The following VMP1 variants were observed in gnomAD, a reference collection of about 807,000 sequenced individuals.
The protein encoded by VMP1 is vacuole membrane protein 1.
VMP1 carries 11 observed loss-of-function variants against 56.0 expected under a neutral mutation model. The ratio of observed to expected loss-of-function variants is 0.20; its 90% CI spans 0.12 to 0.32. The LOEUF is 0.32. Among genes scored for constraint, VMP1 ranks in the 10% least tolerant of loss-of-function variants. The pLI is 1.00. For missense variants in VMP1, 296 were observed against 490.3 expected (o/e 0.60, Z 3.74); for synonymous variants, 149 against 165.0 (o/e 0.90, Z 0.74).
intron 7 of VMP1, among the ~76,000 whole-genome samples, chr17:59,784,419 A>ACCC (rs1022174756): frequency 6.6e-6 from 1 of 151,404 alleles, no homozygotes; most frequent in Non-Finnish European, 1.5e-5. Flanking sequence ...TCCTACCCCT[A>ACCC]CCTCACCCCC....
chr17:59,801,101 T>TAA (rs2037634143), intron 7 of VMP1, among the ~76,000 whole-genome samples: 1 of 130,030 alleles, frequency 7.7e-6, no homozygotes, highest in African/African-American at 3.5e-5. Context: ...AATATATATA[T>TAA]ATATATATAT....
At chr17:59,821,978 G>A (rs183821718) in intron 10 of VMP1, among the ~76,000 whole-genome samples, 1 of 152,164 alleles carries the variant, frequency 6.6e-6, no homozygotes, top group East Asian at 1.9e-4. Flanking sequence ...AAGTAACTGG[G>A]ATTACAGGCG....
rs557898393 is a variant in VMP1, at chr17:59,835,978, GA to G, written c.975-2314del. ...TGCATTCCCACCTGTAATATATAAG[GA>G]AAGATTACTAGTCTGCCTCCCTAAT... On this transcript the variant is annotated intron_variant, in intron 10 of 11. Coordinates refer to ENST00000262291, the MANE Select transcript of VMP1 (RefSeq NM_030938.5). Among the ~76,000 whole-genome samples the G allele has an allele frequency of 2.6e-3, 388 of 150,298 alleles. 1 individual carries two copies. Among genetic ancestry groups the G allele is most frequent in the African/African-American group, 8.4e-3 (345 of 41,244 alleles).
At chr17:59,773,558 G>A (rs1412951105) in intron 6 of VMP1, among the ~76,000 whole-genome samples, 196 bp from the exon 7 acceptor site, 1 of 152,032 alleles carries the variant, frequency 6.6e-6, no homozygotes, top group Non-Finnish European at 1.5e-5. Context: ...TTTATGTGAT[G>A]CTTGCCAAGC....
At chr17:59,828,595 C>T (rs969526823) in intron 10 of VMP1, among the ~76,000 whole-genome samples, 1 of 152,156 alleles carries the variant, frequency 6.6e-6, no homozygotes, top group East Asian at 1.9e-4. Context: ...CAAATCACAA[C>T]GAATTTTAGA....
chr17:59,823,990 G>C (rs148069317), intron 10 of VMP1, among the ~76,000 whole-genome samples: 2 of 152,090 alleles, frequency 1.3e-5, no homozygotes, highest in East Asian at 3.9e-4. Context: ...CGGGCCGGGC[G>C]CAGAGGCTCA....
At chr17:59,802,297 A>G (rs912914730) in intron 7 of VMP1, among the ~76,000 whole-genome samples, 1 of 151,936 alleles carries the variant, frequency 6.6e-6, no homozygotes. Flanking sequence ...GTACAGTAAC[A>G]GGTTGTGTAG....
intron 4 of VMP1, 120 bp downstream of exon 4, chr17:59,737,663 A>G: frequency 1.3e-6 from 1 of 741,934 alleles, no homozygotes; most frequent in East Asian, 2.9e-5. Flanking sequence ...TCTCATAACT[A>G]GTATCTCAAA....
At chr17:59,829,611 G>A (rs929466499) in intron 10 of VMP1, among the ~76,000 whole-genome samples, 2 of 152,292 alleles carry the variant, frequency 1.3e-5, no homozygotes, top group East Asian at 1.9e-4. Context: ...TAGGGGGTAG[G>A]AAGGAAAATT....
intron 6 of VMP1, among the ~76,000 whole-genome samples, chr17:59,771,955 C>T (rs1482784194): frequency 6.6e-6 from 1 of 151,850 alleles, no homozygotes; most frequent in East Asian, 1.9e-4. Flanking sequence ...CCTGCCTTCT[C>T]TGTCTGTTTT....
At chr17:59,824,642 G>GCAGATGGAT in intron 10 of VMP1, among the ~76,000 whole-genome samples, 6 of 150,284 alleles carry the variant, frequency 4.0e-5, no homozygotes, top group East Asian at 2.0e-4. Flanking sequence ...GGAGGCCGAG[G>GCAGATGGAT]TGGGCGGATC....
At chr17:59,835,723 C>G (rs983930831) in intron 10 of VMP1, among the ~76,000 whole-genome samples, 2 of 150,688 alleles carry the variant, frequency 1.3e-5, no homozygotes, top group African/African-American at 4.8e-5. Context: ...CTCCCGACCT[C>G]AGGTGATCCG....
intron 10 of VMP1, among the ~76,000 whole-genome samples, chr17:59,835,679 G>A (rs1298356664): frequency 6.7e-6 from 1 of 149,650 alleles, no homozygotes; most frequent in Non-Finnish European, 1.5e-5. Flanking sequence ...TAGTAGAGAC[G>A]GGTTTTCTCC....
chr17:59,838,030 T>A, intron 10 of VMP1: 1 of 273,510 alleles, frequency 3.7e-6, no homozygotes, highest in Non-Finnish European at 6.9e-6. Context: ...TTTACAGCTC[T>A]TGGTTTCTCC....
At chr17:59,836,148 T>G (rs2038973401) in intron 10 of VMP1, among the ~76,000 whole-genome samples, 1 of 151,420 alleles carries the variant, frequency 6.6e-6, no homozygotes, top group East Asian at 1.9e-4. Context: ...TCACATTTAT[T>G]ATATATGTCT....
intron 5 of VMP1, among the ~76,000 whole-genome samples, chr17:59,750,413 T>C (rs1281149740): frequency 1.3e-5 from 2 of 151,874 alleles, no homozygotes; most frequent in Non-Finnish European, 2.9e-5. Context: ...GTGATTCTCC[T>C]GCCTCACACT....
intron 7 of VMP1, among the ~76,000 whole-genome samples, chr17:59,791,556 T>C (rs1598400213): frequency 6.8e-6 from 1 of 148,064 alleles, no homozygotes; most frequent in Non-Finnish European, 1.5e-5. Context: ...CTCACTCCTC[T>C]GCCTCCCTGG....
intron 1 of VMP1, among the ~76,000 whole-genome samples, chr17:59,727,897 A>G (rs2143784555): frequency 6.6e-6 from 1 of 152,366 alleles, no homozygotes. Flanking sequence ...AGGACTAAAG[A>G]AAATGAAACT....
At chr17:59,795,650 T>C (rs867322649) in intron 7 of VMP1, among the ~76,000 whole-genome samples, 3 of 151,372 alleles carry the variant, frequency 2.0e-5, no homozygotes, top group African/African-American at 7.3e-5. Context: ...TCTCTACCAT[T>C]TAAAAATTAT....
Sources: gnomAD v4.1 joint callset for allele counts (sites outside exome capture counted in the v4.1 genomes callset) on GRCh38, gnomAD v4.1.1 for gene constraint, MANE v1.5 for transcripts, NCBI Gene and HGNC (gene_info 2026-07-23, HGNC 2026-07-21) for gene names.